The following PRXL2C variants were observed in gnomAD, a reference collection of about 807,000 sequenced individuals.
The protein encoded by PRXL2C is peroxiredoxin-like 2C.
In PRXL2C, 38 loss-of-function variants were observed where a neutral mutation model predicts 24.9. The ratio of observed to expected loss-of-function variants is 1.53; its 90% confidence interval spans 1.18 to 2.00. The LOEUF (loss-of-function observed/expected upper bound fraction) is 2.00. Ranked by LOEUF, PRXL2C falls within the 30% of genes most tolerant of loss-of-function variation. The pLI is 0.00. For missense variants in PRXL2C, 294 were observed against 290.9 expected (o/e 1.01, Z -0.08); for synonymous variants, 98 against 117.2 (o/e 0.84, Z 1.06).
At chr9:96,653,183 C>G (rs1356744647) in intron 2 of PRXL2C, among the ~76,000 whole-genome samples, 1 of 150,724 alleles carries the variant, frequency 6.6e-6, no homozygotes, top group Non-Finnish European at 1.5e-5. Context: ...GCTGAGATCG[C>G]GCCACTGCAC....
intron 4 of PRXL2C, 23 bp downstream of exon 4, chr9:96,651,367 A>G: frequency 6.6e-7 from 1 of 1,513,920 alleles, no homozygotes; most frequent in South Asian, 1.2e-5. Context: ...AGTGTTTTCT[A>G]TTTGAGACAT....
At position 96,640,459 on chromosome 9, in the gene PRXL2C, G is replaced by A. The variant is rs906658405; in HGVS notation, c.*1300C>T. ...TTGAACCAAGGAGGCGGAAGTTGCAGTGAGCTGAGATTGAGCCATTGCACT... is the reference window on the plus strand; with the variant it reads ...TTGAACCAAGGAGGCGGAAGTTGCAATGAGCTGAGATTGAGCCATTGCACT... On this transcript the variant is annotated 3_prime_UTR_variant, in exon 6 of 6. Coordinates refer to ENST00000375234, the MANE Select transcript of PRXL2C (RefSeq NM_153698.2). 4 of 131,160 alleles carry A rather than the reference G, an allele frequency of 3.0e-5. No homozygotes were observed. The Admixed American group carries it at 3.6e-4, about 12-fold the overall frequency. 8.1% of individuals were successfully genotyped at this position (131,160 alleles called of 1,614,324 possible).
intron 4 of PRXL2C, among the ~76,000 whole-genome samples, chr9:96,649,018 C>T (rs1411831204): frequency 6.6e-6 from 1 of 152,036 alleles, no homozygotes; most frequent in East Asian, 2.0e-4. Context: ...GGTGATCCAC[C>T]CGCCTTGGCC....
intron 5 of PRXL2C, among the ~76,000 whole-genome samples, chr9:96,643,115 G>A (rs1848140951): frequency 6.6e-6 from 1 of 152,186 alleles, no homozygotes; most frequent in African/African-American, 2.4e-5. Context: ...AGCATTTTAT[G>A]TGAGACACTT....
chr9:96,651,277 C>CA (rs1051558011), intron 4 of PRXL2C, 113 bp downstream of exon 4: 220 of 790,270 alleles, frequency 2.8e-4, no homozygotes, highest in East Asian at 5.7e-4. Flanking sequence ...GACTCCATCT[C>CA]AAAAAAAACA....
At chr9:96,647,695 A>C (rs771536083) in intron 4 of PRXL2C, among the ~76,000 whole-genome samples, 34 of 151,872 alleles carry the variant, frequency 2.2e-4, no homozygotes, top group Non-Finnish European at 4.4e-4. Context: ...GCTAATTAAA[A>C]ATTTTTTTTT....
chr9:96,643,850 A>T (rs933367196), intron 5 of PRXL2C, among the ~76,000 whole-genome samples: 53 of 151,538 alleles, frequency 3.5e-4, no homozygotes, highest in Non-Finnish European at 3.4e-4. Flanking sequence ...AAAATATGGT[A>T]TTGGCTGGGT....
intron 5 of PRXL2C, among the ~76,000 whole-genome samples, chr9:96,644,900 T>C (rs1848171591): frequency 9.0e-6 from 1 of 111,636 alleles, no homozygotes; most frequent in African/African-American, 3.7e-5. Flanking sequence ...TTTTTTTTTT[T>C]TTTTTTTTTT....
In PRXL2C at chr9:96,655,220, G is replaced by A; in HGVS notation, c.62C>T (p.Pro21Leu). 1 of 1,159,878 alleles carries A rather than the reference G, an allele frequency of 8.6e-7. No individual in the cohort carries two copies. Among genetic ancestry groups the A allele is most frequent in the Non-Finnish European group, 1.1e-6 (1 of 943,264 alleles). The allele number at this position is 1,159,878 out of a possible 1,614,324, so 71.8% of individuals were successfully genotyped here. A position where few individuals can be genotyped will look rare whatever the true frequency, so the allele number is the denominator to read the frequency against. ...VSGAAALVPA[P>L]SGPDSGQPLA... Reference sequence around the variant, plus strand: ...GGGCTGCCCGCTGTCGGGGCCGCTCGGGGCCGGGACCAGGGCGGCGGCGCC... The same window carrying A: ...GGGCTGCCCGCTGTCGGGGCCGCTCAGGGCCGGGACCAGGGCGGCGGCGCC... Residue 21 changes from proline to leucine, a missense_variant, in exon 1 of 6, where the codon CCG becomes CTG. Pro to Leu is a moderately conservative substitution (Grantham distance 98). Transcript: ENST00000375234.
chr9:96,641,995 T>A, intron 5 of PRXL2C, 109 bp from the exon 6 acceptor site: 1 of 913,436 alleles, frequency 1.1e-6, no homozygotes, highest in South Asian at 3.4e-5. Flanking sequence ...AAGGGAAAAA[T>A]TAATTACCTG....
At chr9:96,650,812 G>A (rs1195456640) in intron 4 of PRXL2C, among the ~76,000 whole-genome samples, 2 of 150,222 alleles carry the variant, frequency 1.3e-5, no homozygotes, top group Non-Finnish European at 2.9e-5. Context: ...CATCATGTGC[G>A]CACGCGTGCA....
intron 2 of PRXL2C, among the ~76,000 whole-genome samples, chr9:96,653,680 A>G (rs747054669): frequency 1.3e-5 from 2 of 152,188 alleles, no homozygotes; most frequent in African/African-American, 4.8e-5. Context: ...AAAATATTAC[A>G]CTGTATCCCA....
intron 4 of PRXL2C, among the ~76,000 whole-genome samples, chr9:96,651,066 C>T (rs1456094971): frequency 6.6e-6 from 1 of 152,104 alleles, no homozygotes; most frequent in African/African-American, 2.4e-5. Flanking sequence ...CGAGACAGGT[C>T]AGGAGTTCGA....
chr9:96,648,585 A>G (rs191695679), intron 4 of PRXL2C, among the ~76,000 whole-genome samples: 84 of 152,210 alleles, frequency 5.5e-4, no homozygotes, highest in Admixed American at 5.0e-3. Context: ...TGAGAACCTA[A>G]TATTTTGTTT....
At position 96,646,035 on chromosome 9, in the gene PRXL2C, GA is replaced by G; in HGVS notation, c.422-12del. On this transcript the variant is annotated splice_polypyrimidine_tract_variant and intron_variant, in intron 4 of 5. Coordinates refer to ENST00000375234, the MANE Select transcript of PRXL2C (RefSeq NM_153698.2). The stretch of plus-strand genomic sequence containing the variant: ...TGTGGGGGCTCTGTCCTGAAATGTC[GA>G]AAATTGTCTTTAGATGTCATTTTAT... 6.3e-7 allele frequency: 1 copy of G among 1,587,486 alleles called. No individual in the cohort carries two copies. The highest frequency in any genetic ancestry group is 1.2e-5 in the South Asian group (1 of 86,226).
intron 2 of PRXL2C, among the ~76,000 whole-genome samples, chr9:96,653,095 G>A (rs368868649): frequency 4.4e-3 from 675 of 152,056 alleles, no homozygotes; most frequent in Non-Finnish European, 5.0e-3. Context: ...GCGTGGTGGC[G>A]GGCGCCTGTT....
intron 4 of PRXL2C, among the ~76,000 whole-genome samples, chr9:96,649,593 C>A (rs969361190): frequency 5.3e-5 from 8 of 150,450 alleles, no homozygotes; most frequent in East Asian, 1.9e-4. Flanking sequence ...CAAAAAAAAA[C>A]CCATCAATAA....
At chr9:96,650,998 A>C (rs559597667) in intron 4 of PRXL2C, among the ~76,000 whole-genome samples, 1 of 152,294 alleles carries the variant, frequency 6.6e-6, no homozygotes, top group Admixed American at 6.5e-5. Flanking sequence ...GAATAATAAA[A>C]AGCAGCCTGA....
At chr9:96,646,217 T>C (rs1347616732) in intron 4 of PRXL2C, among the ~76,000 whole-genome samples, 193 bp from the exon 5 acceptor site, 1 of 152,216 alleles carries the variant, frequency 6.6e-6, no homozygotes, top group Non-Finnish European at 1.5e-5. Flanking sequence ...TTGCCTTCTA[T>C]ACCCACTAAA....
Sources: allele counts gnomAD v4.1 joint callset (sites outside exome capture counted in the v4.1 genomes callset), GRCh38; gene constraint gnomAD v4.1.1; transcripts MANE v1.5; gene names NCBI Gene and HGNC (gene_info 2026-07-23, HGNC 2026-07-21).